Variants in ERBB4 observed in about 807,000 individuals in gnomAD.
ERBB4 encodes the protein receptor tyrosine-protein kinase erbB-4.
Under a neutral mutation model 158.0 loss-of-function variants are expected in ERBB4, and 42 were observed. The ratio of observed to expected loss-of-function variants is 0.27; its 90% CI spans 0.21 to 0.34. ERBB4 has a LOEUF of 0.34. Among genes scored for constraint, ERBB4 ranks in the 10% least tolerant of loss-of-function variants. ERBB4 has a pLI of 1.00. For missense variants in ERBB4, 1,333 were observed against 1,624.1 expected (o/e 0.82, Z 3.08); for synonymous variants, 583 against 558.7 (o/e 1.04, Z -0.61).
chr2:212,003,215 A>AAGAAAGAAAGAC lies in ERBB4; in HGVS notation c.235-55600_235-55599insGTCTTTCTTTCT, dbSNP rs1559294215. Among the ~76,000 whole-genome samples, 24 of 47,332 alleles carry AAGAAAGAAAGAC rather than the reference A, an allele frequency of 5.1e-4. 2 individuals are homozygous for AAGAAAGAAAGAC. Among genetic ancestry groups the AAGAAAGAAAGAC allele is most frequent in the African/African-American group, 1.2e-3 (22 of 18,734 alleles). 31.1% of individuals were successfully genotyped at this position (47,332 alleles called of 152,430 possible). ...AAAGAAAGAAAGAAAGACAGAAAGA[A>AAGAAAGAAAGAC]GGAAGGAAGGAAGGAAGGAAGGAAG... On this transcript the variant is annotated intron_variant, in intron 2 of 27. Transcript: ENST00000342788.
chr2:211,515,025 G>A (rs933515659), intron 20 of ERBB4, among the ~76,000 whole-genome samples: 2 of 152,128 alleles, frequency 1.3e-5, no homozygotes, highest in Non-Finnish European at 2.9e-5. Flanking sequence ...ATTACTGGCT[G>A]GTGAGGAGCA....
chr2:211,997,939 C>T (rs1467764667), intron 2 of ERBB4, among the ~76,000 whole-genome samples: 1 of 144,902 alleles, frequency 6.9e-6, no homozygotes, highest in Non-Finnish European at 1.5e-5. Flanking sequence ...ACACAAATGC[C>T]TGAGTTTAGG....
chr2:212,380,958 A>G (rs2090483603), intron 1 of ERBB4, among the ~76,000 whole-genome samples: 1 of 151,320 alleles, frequency 6.6e-6, no homozygotes, highest in South Asian at 2.1e-4. Context: ...TAAATTTCCT[A>G]AAGCAAAGGA....
intron 1 of ERBB4, among the ~76,000 whole-genome samples, chr2:212,166,385 G>A (rs186030484): frequency 6.6e-6 from 1 of 152,004 alleles, no homozygotes; most frequent in East Asian, 1.9e-4. Context: ...TAACCTATTT[G>A]TTTAGTATTT....
At chr2:211,586,430 C>T (rs1002114762) in intron 19 of ERBB4, among the ~76,000 whole-genome samples, 5 of 152,198 alleles carry the variant, frequency 3.3e-5, no homozygotes, top group African/African-American at 4.8e-5. Context: ...AGGGAATTCA[C>T]GTTAAAAGTA....
chr2:211,445,712 G>C (rs2064094710), intron 20 of ERBB4, among the ~76,000 whole-genome samples: 1 of 152,170 alleles, frequency 6.6e-6, no homozygotes, highest in African/African-American at 2.4e-5. Context: ...ACAAGGATTT[G>C]AAGAACGGTG....
intron 27 of ERBB4, among the ~76,000 whole-genome samples, chr2:211,386,194 AGCATTATTTGATTTGGGT>A (rs1419568370): frequency 6.6e-6 from 1 of 152,168 alleles, no homozygotes; most frequent in Non-Finnish European, 1.5e-5. Context: ...GCAAAATTGA[AGCATTATTTGATTTGGGT>A]GCTTAACATT....
At chr2:211,710,881 T>C (rs1004668569) in intron 9 of ERBB4, among the ~76,000 whole-genome samples, 1 of 152,076 alleles carries the variant, frequency 6.6e-6, no homozygotes, top group Non-Finnish European at 1.5e-5. Context: ...ACCGAACCTC[T>C]TTTTTCTTTG....
In ERBB4 at chr2:211,381,277, C is replaced by T; in HGVS notation, c.*2338G>A. On this transcript the variant is annotated 3_prime_UTR_variant, in exon 28 of 28. Transcript: ENST00000342788. ...CTCCAATGTCTCCAATATTCTTGGC[C>T]AAGGACCACCATCTGCTTTTGGTTT... The T allele has an allele frequency of 4.3e-6, 1 of 232,358 alleles. No homozygotes were observed. The highest frequency in any genetic ancestry group is 1.8e-4 in the South Asian group (1 of 5,514). The allele number at this position is 232,358 out of a possible 1,614,324, so 14.4% of individuals were successfully genotyped here. A position where few individuals can be genotyped will look rare whatever the true frequency, so the allele number is the denominator to read the frequency against.
intron 1 of ERBB4, among the ~76,000 whole-genome samples, chr2:212,249,723 T>G (rs528240547): frequency 6.6e-6 from 1 of 152,032 alleles, no homozygotes; most frequent in Non-Finnish European, 1.5e-5. Flanking sequence ...AATTCTAGGA[T>G]TTCTCATTTA....
At chr2:212,415,103 A>G (rs1434929198) in intron 1 of ERBB4, among the ~76,000 whole-genome samples, 1 of 152,196 alleles carries the variant, frequency 6.6e-6, no homozygotes, top group Admixed American at 6.5e-5. Context: ...ATCTCATTGC[A>G]GTAGGTCTGG....
intron 3 of ERBB4, among the ~76,000 whole-genome samples, chr2:211,877,530 A>C (rs889846571): frequency 8.6e-5 from 13 of 151,368 alleles, no homozygotes; most frequent in Admixed American, 4.6e-4. Flanking sequence ...TTTTCTGAGA[A>C]CGTATCTGAT....
At chr2:212,322,944 A>G (rs571408610) in intron 1 of ERBB4, among the ~76,000 whole-genome samples, 1 of 150,522 alleles carries the variant, frequency 6.6e-6, no homozygotes, top group Admixed American at 6.6e-5. Context: ...GCCGGAAAAA[A>G]AAATCATTCT....
At chr2:211,852,154 A>T (rs1374478078) in intron 3 of ERBB4, among the ~76,000 whole-genome samples, 1 of 151,958 alleles carries the variant, frequency 6.6e-6, no homozygotes, top group Admixed American at 6.6e-5. Context: ...TCAAATTTTA[A>T]TTCATTTATT....
intron 2 of ERBB4, among the ~76,000 whole-genome samples, chr2:212,031,780 G>A (rs138000339): frequency 7.9e-5 from 12 of 152,140 alleles, no homozygotes; most frequent in African/African-American, 2.4e-4. Flanking sequence ...GATGGCTGAC[G>A]ATATGTATCA....
chr2:211,609,316 C>T (rs988154450), intron 19 of ERBB4, among the ~76,000 whole-genome samples: 4 of 152,110 alleles, frequency 2.6e-5, no homozygotes, highest in African/African-American at 9.7e-5. Context: ...CCAGAGAGGG[C>T]CCTGCCCCCA....
chr2:212,509,511 A>G (rs1691386756), intron 1 of ERBB4, among the ~76,000 whole-genome samples: 1 of 152,050 alleles, frequency 6.6e-6, no homozygotes, highest in Non-Finnish European at 1.5e-5. Flanking sequence ...AAAAATTATT[A>G]CATGTTCTGT....
chr2:212,127,242 T>A (rs769574099), intron 1 of ERBB4, among the ~76,000 whole-genome samples: 5 of 152,226 alleles, frequency 3.3e-5, no homozygotes, highest in Non-Finnish European at 7.3e-5. Flanking sequence ...TCAGGCCACA[T>A]GTAGCCCAGG....
chr2:212,459,403 G>A (rs1310635255), intron 1 of ERBB4, among the ~76,000 whole-genome samples: 1 of 151,694 alleles, frequency 6.6e-6, no homozygotes, highest in Non-Finnish European at 1.5e-5. Context: ...AAACAAGAAG[G>A]TGAAAGATCT....
Sources: gnomAD v4.1 joint callset for allele counts (sites outside exome capture counted in the v4.1 genomes callset) on GRCh38, gnomAD v4.1.1 for gene constraint, MANE v1.5 for transcripts, NCBI Gene and HGNC (gene_info 2026-07-23, HGNC 2026-07-21) for gene names.